The following MAP3K13 variants were observed in gnomAD, a reference collection of about 807,000 sequenced individuals.
MAP3K13 encodes the protein mitogen-activated protein kinase kinase kinase 13.
Under a neutral mutation model 104.0 loss-of-function variants are expected in MAP3K13, and 52 were observed. The ratio of observed to expected loss-of-function variants is 0.50; its 90% CI spans 0.40 to 0.63. The LOEUF is 0.63. MAP3K13 is among the 20% of genes least tolerant of loss of function. The pLI is 0.00. For synonymous variants in MAP3K13, 394 were observed against 442.2 expected, an observed-to-expected ratio of 0.89 and a Z score of 1.37; for missense variants, 914 against 1,218.5, an observed-to-expected ratio of 0.75 and a Z score of 3.72.
At chr3:185,385,264 C>A (rs578181398) in intron 1 of MAP3K13, among the ~76,000 whole-genome samples, 2 of 152,300 alleles carry the variant, frequency 1.3e-5, no homozygotes, top group East Asian at 1.9e-4. Context: ...GATTCTCCTG[C>A]CTCAGCCTCC....
At chr3:185,353,809 G>T (rs1723236576) in intron 2 of MAP3K13, among the ~76,000 whole-genome samples, 1 of 152,178 alleles carries the variant, frequency 6.6e-6, no homozygotes. Flanking sequence ...TGGGGGAATT[G>T]TCCCTGCTCT....
chr3:185,473,770 T>C lies in MAP3K13; in HGVS notation c.2430+9T>C, dbSNP rs370942816. ...CAAGGCCTCTGCAGAAGGTAAAGTG[T>C]AATGATGAGAGTGGCCTGCGTCACT... On this transcript the variant is annotated intron_variant, in intron 11 of 13. Coordinates refer to ENST00000265026, the MANE Select transcript of MAP3K13 (RefSeq NM_004721.5). This position sits in a 1 kb window ranked among gnomAD's most constrained non-coding sequence, Gnocchi z 4.9. 79 of 1,608,060 alleles carry C rather than the reference T, an allele frequency of 4.9e-5. No homozygotes were observed. The highest frequency in any genetic ancestry group is 6.4e-5 in the Non-Finnish European group (75 of 1,177,340).
chr3:185,374,575 A>G (rs1460377111), intron 1 of MAP3K13, among the ~76,000 whole-genome samples: 1 of 152,188 alleles, frequency 6.6e-6, no homozygotes, highest in Non-Finnish European at 1.5e-5. Flanking sequence ...AAGGACTAAG[A>G]ATCGGGAGGA....
Position 185,428,866 on chromosome 3 carries a change from G to A in MAP3K13, c.285G>A (p.Thr95=), listed in dbSNP as rs373806484. 3.1e-5 allele frequency: 50 copies of A among 1,614,040 alleles called. No homozygotes were observed. The highest frequency in any genetic ancestry group is 2.3e-4 in the African/African-American group (17 of 74,920). ...LQLREHDESE[T]AVSQGNSNTV... ...TAAGGGAACACGATGAATCAGAGACGGCGGTGTCTCAGGGGAACAGCAACA... is the reference window on the plus strand; with the variant it reads ...TAAGGGAACACGATGAATCAGAGACAGCGGTGTCTCAGGGGAACAGCAACA... Residue 95 remains threonine, a synonymous_variant, in exon 2 of 14, where the codon ACG becomes ACA. Transcript: ENST00000265026.
chr3:185,452,282 G>C (rs1010022590), intron 7 of MAP3K13, among the ~76,000 whole-genome samples: 1 of 152,082 alleles, frequency 6.6e-6, no homozygotes, highest in Non-Finnish European at 1.5e-5. Flanking sequence ...GGAGTACCGT[G>C]GTCTGATCTC....
At position 185,482,584 on chromosome 3, in the gene MAP3K13, C is replaced by G. The variant is rs1025153159; in HGVS notation, c.*128C>G. 12 of 639,984 alleles carry G rather than the reference C, an allele frequency of 1.9e-5. No homozygotes were observed. The African/African-American group carries it at 2.2e-4, about 12-fold the overall frequency. 39.6% of individuals were successfully genotyped at this position (639,984 alleles called of 1,614,324 possible). A position where few individuals can be genotyped will look rare whatever the true frequency, so the allele number is the denominator to read the frequency against. ...AGAGACTACCCCATCTTTACCACCCCCTAGAAATGAGCTGCAATAACAGGA... is the reference window on the plus strand; with the variant it reads ...AGAGACTACCCCATCTTTACCACCCGCTAGAAATGAGCTGCAATAACAGGA... On this transcript the variant is annotated 3_prime_UTR_variant, in exon 14 of 14. Coordinates refer to ENST00000265026, the MANE Select transcript of MAP3K13 (RefSeq NM_004721.5). The surrounding 1 kb of genome is among the most constrained non-coding windows in gnomAD (Gnocchi z 4.5).
At chr3:185,319,398 T>C (rs1721783664) in intron 2 of MAP3K13, among the ~76,000 whole-genome samples, 1 of 152,222 alleles carries the variant, frequency 6.6e-6, no homozygotes, top group Non-Finnish European at 1.5e-5. Context: ...ACGGCACACA[T>C]AGAAAATGAT....
At chr3:185,375,186 G>A (rs1724363813) in intron 1 of MAP3K13, among the ~76,000 whole-genome samples, 1 of 152,176 alleles carries the variant, frequency 6.6e-6, no homozygotes, top group Non-Finnish European at 1.5e-5. Flanking sequence ...AATGACTGCA[G>A]TGGCTTCTTA....
intron 1 of MAP3K13, among the ~76,000 whole-genome samples, chr3:185,380,003 T>TG (rs1172871992): frequency 6.6e-6 from 1 of 151,980 alleles, no homozygotes; most frequent in Non-Finnish European, 1.5e-5. Flanking sequence ...CTGGCCAACA[T>TG]GGTGAAACCC....
At chr3:185,447,721 GC>G (rs1715671376) in intron 4 of MAP3K13, 67 bp from the exon 5 acceptor site, 3 of 1,252,616 alleles carry the variant, frequency 2.4e-6, no homozygotes, top group Non-Finnish European at 2.2e-6. Flanking sequence ...TTCAGTTTCA[GC>G]CATTTAGAAT....
chr3:185,291,741 C>A, intron 2 of MAP3K13: 1 of 1,493,000 alleles, frequency 6.7e-7, no homozygotes, highest in Non-Finnish European at 8.8e-7. Context: ...TAAAGCTCTC[C>A]ATTGAACCCT....
Position 185,382,976 on chromosome 3 carries a change from G to A in MAP3K13, c.-86+19608G>A, listed in dbSNP as rs1284278969. On this transcript the variant is annotated intron_variant, in intron 1 of 13. Coordinates refer to ENST00000265026, the MANE Select transcript of MAP3K13 (RefSeq NM_004721.5). Reference sequence around the variant, plus strand: ...GCTGCACCCACTAACTCGTCATCTAGCATTAGGTATATCTCCCAATGCTAT... The same window carrying A: ...GCTGCACCCACTAACTCGTCATCTAACATTAGGTATATCTCCCAATGCTAT... Among the ~76,000 whole-genome samples the A allele has an allele frequency of 2.1e-4, 31 of 151,134 alleles. 1 individual carries two copies. The East Asian group carries it at 5.3e-3, about 26-fold the overall frequency.
upstream of MAP3K13, among the ~76,000 whole-genome samples, chr3:185,360,699 G>A (rs1723567605): frequency 6.6e-6 from 1 of 151,880 alleles, no homozygotes; most frequent in Non-Finnish European, 1.5e-5. Flanking sequence ...ACTGTTATTA[G>A]AAGCATTTAT....
intron 2 of MAP3K13, among the ~76,000 whole-genome samples, chr3:185,324,577 C>T (rs1007733190): frequency 2.0e-5 from 3 of 152,146 alleles, no homozygotes; most frequent in Non-Finnish European, 2.9e-5. Context: ...AGCCTGGTTT[C>T]TTCCCTCTCC....
intron 1 of MAP3K13, among the ~76,000 whole-genome samples, chr3:185,365,240 GA>G (rs1187869998): frequency 6.6e-6 from 1 of 151,994 alleles, no homozygotes; most frequent in African/African-American, 2.4e-5. Flanking sequence ...TACTTGTAGG[GA>G]AAAAAACAAT....
Position 185,480,365 on chromosome 3 carries a change from G to A in MAP3K13, c.2635G>A (p.Asp879Asn). 6.2e-7 allele frequency: 1 copy of A among 1,614,212 alleles called. No homozygotes were observed. The highest frequency in any genetic ancestry group is 8.5e-7 in the Non-Finnish European group (1 of 1,180,042). Residue 879 changes from aspartate (D) to asparagine (N), a missense_variant, in exon 13 of 14, where the codon GAC (aspartate) becomes AAC (asparagine). Physicochemically the swap from Asp to Asn is conservative, Grantham distance 23. Around this residue, in one of 3 missense-constraint regions of MAP3K13, gnomAD observed 583 missense variants for 737.4 expected, o/e 0.79. Coordinates refer to ENST00000265026, the MANE Select transcript of MAP3K13 (RefSeq NM_004721.5). ...TGATGAGTTAGCTGATAAACTTGAA[G>A]ACCGCTTGGCAGAGAAGCTAGACGA... is the stretch of plus-strand genomic sequence containing the variant. ...SPDELADKLE[D>N]RLAEKLDDLL... is the part of the protein sequence containing the mutation.
At chr3:185,463,501 G>T in intron 7 of MAP3K13, 49 bp from the exon 8 acceptor site, 1 of 1,079,228 alleles carries the variant, frequency 9.3e-7, no homozygotes, top group South Asian at 1.3e-5. Context: ...GGATATATCA[G>T]GGATTGAAAC....
In MAP3K13 at chr3:185,417,785, C is replaced by G. The variant is rs1214242670; in HGVS notation, c.-85-10712C>G. 5.0e-6 allele frequency: 8 copies of G among 1,611,992 alleles called. No individual in the cohort carries two copies. In the African/African-American group the frequency reaches 1.1e-4, roughly 22 times the overall value. ...ATGGTGTTCCGGCGCATGGTCTTTGCATATGGGTTTAGCTTCAACATGATT... is the reference window on the plus strand; with the variant it reads ...ATGGTGTTCCGGCGCATGGTCTTTGGATATGGGTTTAGCTTCAACATGATT... On this transcript the variant is annotated intron_variant, in intron 1 of 13. Transcript: ENST00000265026.
rs760908174 is a variant in MAP3K13 at position 185,466,849 on chromosome 3, A to C, written c.1529A>C (p.Lys510Thr). 6.2e-7 allele frequency: 1 copy of C among 1,614,014 alleles called. No individual in the cohort carries two copies. Among genetic ancestry groups the C allele is most frequent in the East Asian group, 2.2e-5 (1 of 44,888 alleles). Residue 510 changes from lysine to threonine, a missense_variant, in exon 10 of 14, where the codon AAG becomes ACG. Physicochemically the swap from Lys to Thr is moderately conservative, Grantham distance 78 (BLOSUM62 -1). Coordinates refer to ENST00000265026, the MANE Select transcript of MAP3K13 (RefSeq NM_004721.5). Reference protein sequence around the residue: ...LIKREQAVEKKYPGTYKRHPV... With the variant: ...LIKREQAVEKTYPGTYKRHPV... ...AGGCGTGAGCAAGCAGTGGAAAAGAAGTATCCTGGGACCTACAAACGACAC... is the reference window on the plus strand; with the variant it reads ...AGGCGTGAGCAAGCAGTGGAAAAGACGTATCCTGGGACCTACAAACGACAC...
Sources: allele counts gnomAD v4.1 joint callset (sites outside exome capture counted in the v4.1 genomes callset), GRCh38; gene constraint gnomAD v4.1.1; regional missense constraint gnomAD v4.1.1; non-coding constraint Gnocchi (gnomAD v3.1); transcripts MANE v1.5; gene names NCBI Gene and HGNC (gene_info 2026-07-23, HGNC 2026-07-21).